The following AP4E1 variants were observed in gnomAD, a reference collection of about 807,000 sequenced individuals.
AP4E1 encodes the protein adaptor related protein complex 4 subunit epsilon 1.
AP4E1 carries 56 observed loss-of-function variants against 128.2 expected under a neutral mutation model. That is an observed-to-expected ratio of 0.44 (90% CI 0.35 to 0.55). AP4E1 has a LOEUF of 0.55. Ranked by LOEUF, AP4E1 falls within the 20% of genes least tolerant of loss-of-function variation. The pLI is 0.00. For missense variants in AP4E1, 1,324 were observed against 1,307.7 expected, an observed-to-expected ratio of 1.01 and a Z score of -0.19; for synonymous variants, 484 against 473.1, an observed-to-expected ratio of 1.02 and a Z score of -0.30.
intron 13 of AP4E1, among the ~76,000 whole-genome samples, chr15:50,951,728 T>TTC (rs1327135934): frequency 1.0e-4 from 15 of 144,688 alleles, no homozygotes; most frequent in South Asian, 4.3e-4. Context: ...TTTTCTTTCT[T>TTC]TTTTTTTTTT....
intron 8 of AP4E1, among the ~76,000 whole-genome samples, chr15:50,937,225 C>T (rs984379091): frequency 2.6e-5 from 4 of 152,126 alleles, no homozygotes; most frequent in Non-Finnish European, 5.9e-5. Flanking sequence ...GACTGTGTCT[C>T]TCTTATTAAC....
chr15:50,986,366 G>C (rs1053977698), intron 16 of AP4E1, among the ~76,000 whole-genome samples: 1 of 152,174 alleles, frequency 6.6e-6, no homozygotes, highest in African/African-American at 2.4e-5. Context: ...TGGTGAGAGA[G>C]GGCATCCCTG....
chr15:50,960,325 C>T (rs1048894919), intron 14 of AP4E1, among the ~76,000 whole-genome samples: 3 of 152,126 alleles, frequency 2.0e-5, no homozygotes, highest in Non-Finnish European at 2.9e-5. Context: ...AATACACATT[C>T]TTCTCATCAA....
intron 10 of AP4E1, chr15:50,945,434 A>G (rs1316912330): frequency 1.0e-5 from 8 of 777,202 alleles, no homozygotes; most frequent in African/African-American, 6.8e-5. Context: ...ACGGCAGCAA[A>G]TGAAGACTAT....
chr15:50,934,705 A>T lies in AP4E1; in HGVS notation c.943+8A>T, dbSNP rs753372922. 1 of 1,539,274 alleles carries T rather than the reference A, an allele frequency of 6.5e-7. No individual in the cohort carries two copies. Among genetic ancestry groups the T allele is most frequent in the Non-Finnish European group, 9.0e-7 (1 of 1,112,714 alleles). ...ATCACAATGTCACATATGGTAGGTAATATATGTAAATATTACTCTAATGAC... is the reference window on the plus strand; with the variant it reads ...ATCACAATGTCACATATGGTAGGTATTATATGTAAATATTACTCTAATGAC... On this transcript the variant is annotated splice_region_variant and intron_variant, in intron 8 of 20. Transcript: ENST00000261842.
chr15:50,998,673 C>T, intron 18 of AP4E1, among the ~76,000 whole-genome samples: 1 of 151,948 alleles, frequency 6.6e-6, no homozygotes, highest in East Asian at 1.9e-4. Context: ...ACAGACCAAA[C>T]CCTTCCCAGT....
intron 5 of AP4E1, 50 bp from the exon 6 acceptor site, chr15:50,928,959 A>G: frequency 6.3e-7 from 1 of 1,583,524 alleles, no homozygotes; most frequent in South Asian, 1.1e-5. Flanking sequence ...TTCAAAGTAA[A>G]TACTTGAGAA....
chr15:50,910,756 A>G (rs1000063766), intron 1 of AP4E1, among the ~76,000 whole-genome samples: 1 of 152,186 alleles, frequency 6.6e-6, no homozygotes, highest in Non-Finnish European at 1.5e-5. Context: ...CCTGGGTTCA[A>G]GTGATTCTTC....
chr15:50,926,692 G>A (rs1335148036), intron 5 of AP4E1, among the ~76,000 whole-genome samples: 2 of 151,258 alleles, frequency 1.3e-5, no homozygotes, highest in Non-Finnish European at 2.9e-5. Flanking sequence ...TCTGCCTCCC[G>A]GGTTCAAGCT....
intron 10 of AP4E1, among the ~76,000 whole-genome samples, chr15:50,943,362 T>A (rs1315594398): frequency 6.6e-6 from 1 of 152,172 alleles, no homozygotes; most frequent in African/African-American, 2.4e-5. Context: ...ATTACAAATT[T>A]TAAATTTTAA....
chr15:51,001,539 C>T lies in AP4E1; in HGVS notation c.3253+356C>T, dbSNP rs149178716. 7.5e-3 allele frequency among the ~76,000 whole-genome samples: 1,139 copies of T among 152,314 alleles called. 11 individuals carry two copies. The highest frequency in any genetic ancestry group is 0.013 in the Non-Finnish European group (895 of 68,016). On this transcript the variant is annotated intron_variant, in intron 20 of 20. Coordinates refer to ENST00000261842, the MANE Select transcript of AP4E1 (RefSeq NM_007347.5). ...TTTCCCCTTCCTCTCCACCTCTTGGCAACTACCATTTTACCTCTTGTCTCT... is the reference window on the plus strand; with the variant it reads ...TTTCCCCTTCCTCTCCACCTCTTGGTAACTACCATTTTACCTCTTGTCTCT...
At chr15:50,998,783 TGA>T (rs1432175865) in intron 18 of AP4E1, among the ~76,000 whole-genome samples, 4 of 152,208 alleles carry the variant, frequency 2.6e-5, no homozygotes, top group African/African-American at 4.8e-5. Context: ...AAAAATTATT[TGA>T]AAACTCTCCT....
intron 10 of AP4E1, among the ~76,000 whole-genome samples, chr15:50,944,240 C>T (rs185294511): frequency 1.3e-5 from 2 of 152,226 alleles, no homozygotes; most frequent in African/African-American, 2.4e-5. Context: ...AACTTTGGTC[C>T]TTGGATGTTC....
chr15:50,909,496 C>T (rs1488740944), intron 1 of AP4E1, among the ~76,000 whole-genome samples: 1 of 152,158 alleles, frequency 6.6e-6, no homozygotes, highest in Admixed American at 6.5e-5. Context: ...AGAAAAAGCA[C>T]AGTTCTCTCA....
Position 50,997,599 on chromosome 15 carries a change from A to G in AP4E1, c.2620A>G (p.Thr874Ala), listed in dbSNP as rs762713610. The change falls in exon 18 of 21, where the codon ACA becomes GCA. Residue 874 changes from threonine to alanine, a missense_variant. Physicochemically the swap from Thr to Ala is moderately conservative, Grantham distance 58. Transcript: ENST00000261842. ...GAAATTCTCATATTGTAGTCTGTCT[A>G]CACCTTCATTGTTTGCTAATAACAA... ...VEKFSYCSLS[T>A]PSLFANNNME... The G allele has an allele frequency of 2.5e-6, 4 of 1,613,952 alleles. No homozygotes were observed. Among genetic ancestry groups the G allele is most frequent in the African/African-American group, 1.3e-5 (1 of 74,928 alleles).
rs369231225 is a variant in AP4E1 at position 50,950,118 on chromosome 15, G to A, written c.1497G>A (p.Leu499=). 1 of 1,613,342 alleles carries A rather than the reference G, an allele frequency of 6.2e-7. No homozygotes were observed. The stretch of plus-strand genomic sequence containing the variant: ...CAGTTCAGTCTTATCTCACTTTACT[G>A]GATATGGAAAATGTGTTCTATCCAC... ...LYAVQSYLTL[L]DMENVFYPQR... is the part of the protein sequence containing the mutation. Residue 499 remains leucine (L), a synonymous_variant, in exon 13 of 21, where the codon CTG becomes CTA. Transcript: ENST00000261842.
rs138138484 is a variant in AP4E1 at position 50,915,482 on chromosome 15, A to G, written c.257A>G (p.Tyr86Cys). 4.5e-5 allele frequency: 73 copies of G among 1,613,448 alleles called. No homozygotes were observed. The African/African-American group carries it at 7.2e-4, about 16-fold the overall frequency. ...MMKECMVRLI[Y>C]CEMLGYDASF... ...AAGGAATGTATGGTGAGACTTATAT[A>G]TTGTGAAATGCTTGGATATGATGCT... is the stretch of plus-strand genomic sequence containing the variant. Residue 86 changes from tyrosine to cysteine, a missense_variant, in exon 3 of 21, where the codon TAT (tyrosine) becomes TGT (cysteine). Tyr to Cys is a radical substitution (Grantham distance 194). Transcript: ENST00000261842.
At chr15:50,957,732 A>C (rs1020330799) in intron 13 of AP4E1, among the ~76,000 whole-genome samples, 4 of 132,104 alleles carry the variant, frequency 3.0e-5, no homozygotes, top group Non-Finnish European at 6.1e-5. Context: ...GCTGGAGTGC[A>C]GTGGCATGAT....
At chr15:50,929,352 GT>G (rs377742578) in intron 6 of AP4E1, among the ~76,000 whole-genome samples, 184 bp downstream of exon 6, 165 of 142,878 alleles carry the variant, frequency 1.2e-3, no homozygotes, top group East Asian at 5.3e-3. Flanking sequence ...TACAGAATTA[GT>G]TTTTTTTTTT....
Sources: gnomAD v4.1 joint callset for allele counts (sites outside exome capture counted in the v4.1 genomes callset) on GRCh38, gnomAD v4.1.1 for gene constraint, MANE v1.5 for transcripts, NCBI Gene and HGNC (gene_info 2026-07-23, HGNC 2026-07-21) for gene names.